The following GPR155 variants were observed in gnomAD, a reference collection of about 807,000 sequenced individuals.
The protein encoded by GPR155 is G protein-coupled receptor 155, also known as lysosomal cholesterol signaling protein.
GPR155 carries 65 observed loss-of-function variants against 93.1 expected under a neutral mutation model. The ratio of observed to expected loss-of-function variants is 0.70; its 90% CI spans 0.57 to 0.86. GPR155 has a LOEUF of 0.86. Ranked by LOEUF, GPR155 falls within the 40% of genes least tolerant of loss-of-function variation. The pLI, the probability that GPR155 is intolerant of heterozygous loss-of-function variation, is 0.00. For missense variants in GPR155, 838 were observed against 1,034.8 expected (o/e 0.81, Z 2.61); for synonymous variants, 319 against 360.1 (o/e 0.89, Z 1.29).
In GPR155 at chr2:174,468,255, A is replaced by G. The variant is rs187590862; in HGVS notation, c.1182+657T>C. On this transcript the variant is annotated intron_variant, in intron 5 of 15. Coordinates refer to ENST00000392552, the MANE Select transcript of GPR155 (RefSeq NM_152529.7). ...ACACATTTATCTGTTACCAATATAC[A>G]TATTCACCCCCACCTCCATTAACTG... Among the ~76,000 whole-genome samples the G allele has an allele frequency of 1.3e-3, 202 of 152,334 alleles. 1 individual carries two copies. The highest frequency in any genetic ancestry group is 2.2e-3 in the Non-Finnish European group (153 of 68,038).
intron 5 of GPR155, among the ~76,000 whole-genome samples, chr2:174,468,344 AT>A (rs1285380149): frequency 2.0e-5 from 3 of 152,168 alleles, no homozygotes; most frequent in Non-Finnish European, 4.4e-5. Context: ...TCAATAGGCC[AT>A]TTGATCTGTA....
intron 2 of GPR155, among the ~76,000 whole-genome samples, chr2:174,476,569 A>C (rs1048747314): frequency 1.3e-5 from 2 of 152,152 alleles, no homozygotes; most frequent in Non-Finnish European, 2.9e-5. Flanking sequence ...GCACCATTGC[A>C]TTACAGCCTG....
intron 1 of GPR155, among the ~76,000 whole-genome samples, chr2:174,483,595 T>C (rs1328819776): frequency 6.6e-6 from 1 of 152,194 alleles, no homozygotes; most frequent in East Asian, 1.9e-4. Context: ...TCTTTTTCTT[T>C]TTTTTTCAGA....
intron 11 of GPR155, among the ~76,000 whole-genome samples, chr2:174,448,302 G>A (rs1199245816): frequency 6.6e-6 from 1 of 152,132 alleles, no homozygotes; most frequent in Non-Finnish European, 1.5e-5. Flanking sequence ...CTTGAACCTG[G>A]GAGCAGAGGT....
At chr2:174,462,324 T>G (rs1687721506) in intron 7 of GPR155, among the ~76,000 whole-genome samples, 1 of 152,142 alleles carries the variant, frequency 6.6e-6, no homozygotes, top group African/African-American at 2.4e-5. Context: ...CATTTTTTTT[T>G]TCTTTAGACA....
intron 11 of GPR155, among the ~76,000 whole-genome samples, chr2:174,447,728 A>G (rs1360670177): frequency 4.7e-5 from 7 of 147,628 alleles, no homozygotes; most frequent in Non-Finnish European, 7.5e-5. Flanking sequence ...GCTTACTTAT[A>G]AGTGGGAGCT....
Position 174,434,873 on chromosome 2 carries a change from C to A in GPR155, c.*1243G>T, listed in dbSNP as rs1686731900. 1 of 151,956 alleles carries A rather than the reference C, an allele frequency of 6.6e-6. No homozygotes were observed. Among genetic ancestry groups the A allele is most frequent in the South Asian group, 2.1e-4 (1 of 4,802 alleles). 9.4% of individuals were successfully genotyped at this position (151,956 alleles called of 1,614,324 possible). A position where few individuals can be genotyped will look rare whatever the true frequency, so the allele number is the denominator to read the frequency against. On this transcript the variant is annotated 3_prime_UTR_variant, in exon 16 of 16. Coordinates refer to ENST00000392552, the MANE Select transcript of GPR155 (RefSeq NM_152529.7). ...TGAACTCCTGACCTCAAGCGATCTG[C>A]CCGCCTCAGCCTCCCAAAGTGCTGA...
intron 10 of GPR155, among the ~76,000 whole-genome samples, chr2:174,456,594 C>T (rs1264484122): frequency 1.3e-5 from 2 of 152,180 alleles, no homozygotes; most frequent in African/African-American, 4.8e-5. Context: ...TGAAACACTG[C>T]ACTCAGCAAC....
At chr2:174,455,196 TAACAACAAC>T (rs71405953) in intron 10 of GPR155, among the ~76,000 whole-genome samples, 1 of 151,398 alleles carries the variant, frequency 6.6e-6, no homozygotes, top group Non-Finnish European at 1.5e-5. Context: ...AAAATAAAAA[TAACAACAAC>T]AACAACAACA....
At chr2:174,451,651 T>C (rs4972663) in intron 11 of GPR155, among the ~76,000 whole-genome samples, 113,910 of 152,030 alleles carry the variant, frequency 0.75, 43,892 homozygotes, top group Middle Eastern at 0.84. Context: ...GAATTTTCAA[T>C]GATCAACTTT....
At chr2:174,439,413 A>C (rs1686887887) in intron 15 of GPR155, among the ~76,000 whole-genome samples, 1 of 152,244 alleles carries the variant, frequency 6.6e-6, no homozygotes, top group Non-Finnish European at 1.5e-5. Context: ...TAGTATAATA[A>C]ATATTATGTC....
chr2:174,470,665 C>CT (rs139682104), intron 3 of GPR155, 110 bp from the exon 4 acceptor site: 395 of 815,758 alleles, frequency 4.8e-4, no homozygotes, highest in Non-Finnish European at 7.1e-4. Flanking sequence ...GAAGGTATGT[C>CT]TATTTGCATG....
chr2:174,475,385 A>T (rs1688136078), intron 2 of GPR155, among the ~76,000 whole-genome samples: 1 of 150,562 alleles, frequency 6.6e-6, no homozygotes, highest in South Asian at 2.1e-4. Context: ...ACACTTGTTT[A>T]CTTACTCAGG....
intron 1 of GPR155, among the ~76,000 whole-genome samples, chr2:174,484,155 AT>A (rs1688408491): frequency 1.3e-5 from 2 of 152,328 alleles, no homozygotes; most frequent in African/African-American, 4.8e-5. Flanking sequence ...TAGGACAAGT[AT>A]TTTCCTACTA....
chr2:174,473,344 T>C lies in GPR155; in HGVS notation c.481A>G (p.Thr161Ala). Residue 161 changes from threonine (T) to alanine (A), a missense_variant, in exon 3 of 16, where the codon ACA becomes GCA. Around this residue, in one of 3 missense-constraint regions of GPR155, gnomAD observed 663 missense variants for 790.1 expected, o/e 0.84. Transcript: ENST00000392552. ...ATGTACTGGAGATATTCTGGGTATG[T>C]AGTTTGATATAAAGCTTCAACTGCA... ...YPIVEALYQT[T>A]YPEYLQYIYL... The C allele has an allele frequency of 6.3e-7, 1 of 1,583,156 alleles. No individual in the cohort carries two copies. Among genetic ancestry groups the C allele is most frequent in the Non-Finnish European group, 8.6e-7 (1 of 1,165,708 alleles).
At chr2:174,443,508 C>T (rs1025444339) in intron 13 of GPR155, among the ~76,000 whole-genome samples, 4 of 152,150 alleles carry the variant, frequency 2.6e-5, no homozygotes, top group African/African-American at 7.2e-5. Context: ...GCAGGTGGAT[C>T]ACTTGAGGTC....
chr2:174,469,098 C>T, intron 4 of GPR155, 31 bp from the exon 5 acceptor site: 1 of 1,601,504 alleles, frequency 6.2e-7, no homozygotes, highest in Non-Finnish European at 8.6e-7. Flanking sequence ...AGAGGAGTTA[C>T]AATCTCAATT....
intron 7 of GPR155, among the ~76,000 whole-genome samples, chr2:174,463,859 A>G (rs1687768103): frequency 6.6e-6 from 1 of 152,246 alleles, no homozygotes; most frequent in South Asian, 2.1e-4. Flanking sequence ...GATTGTCCAG[A>G]TTAAATAACA....
At chr2:174,472,549 AC>A (rs1214874859) in intron 3 of GPR155, among the ~76,000 whole-genome samples, 1 of 152,196 alleles carries the variant, frequency 6.6e-6, no homozygotes, top group African/African-American at 2.4e-5. Context: ...ACTACAAAAT[AC>A]TTTTCCCAAA....
Sources: gnomAD v4.1 joint callset for allele counts (sites outside exome capture counted in the v4.1 genomes callset) on GRCh38, gnomAD v4.1.1 for gene constraint, gnomAD v4.1.1 regional missense constraint, MANE v1.5 for transcripts, NCBI Gene and HGNC (gene_info 2026-07-23, HGNC 2026-07-21) for gene names.